STYK1: variants seen among roughly 807,000 people sequenced by gnomAD.
STYK1 encodes the protein tyrosine-protein kinase STYK1.
Under a neutral mutation model 48.1 loss-of-function variants are expected in STYK1, and 46 were observed. The observed-to-expected ratio is 0.96, with a 90% CI of 0.75 to 1.22. The LOEUF is 1.22. STYK1 is among the 50% of genes most tolerant of loss of function. The pLI is 0.00. For missense variants in STYK1, 527 were observed against 521.1 expected, an observed-to-expected ratio of 1.01 and a Z score of -0.11; for synonymous variants, 188 against 189.0, an observed-to-expected ratio of 0.99 and a Z score of 0.04.
intron 1 of STYK1, among the ~76,000 whole-genome samples, chr12:10,650,997 TC>T (rs938952075): frequency 8.6e-6 from 1 of 115,772 alleles, no homozygotes; most frequent in African/African-American, 3.5e-5. Flanking sequence ...AGAGCGAGAC[TC>T]CTTCTCAAAA....
At chr12:10,642,308 T>A (rs1316174687) in intron 1 of STYK1, among the ~76,000 whole-genome samples, 2 of 152,240 alleles carry the variant, frequency 1.3e-5, no homozygotes, top group Non-Finnish European at 2.9e-5. Flanking sequence ...TCCATTTGAA[T>A]CTCATTCCTA....
At chr12:10,668,294 G>A (rs1309571953) in intron 1 of STYK1, among the ~76,000 whole-genome samples, 1 of 151,908 alleles carries the variant, frequency 6.6e-6, no homozygotes, top group African/African-American at 2.4e-5. Flanking sequence ...AGGTCCCCCG[G>A]ACTGAGAGAG....
intron 1 of STYK1, among the ~76,000 whole-genome samples, chr12:10,664,922 A>G (rs1947818431): frequency 6.6e-6 from 1 of 152,232 alleles, no homozygotes. Flanking sequence ...CTATTTTACC[A>G]ACTTCATATT....
In STYK1 at chr12:10,631,262, T is replaced by C. The variant is rs1947425635; in HGVS notation, c.234A>G (p.Gly78=). 1 of 1,614,234 alleles carries C rather than the reference T, an allele frequency of 6.2e-7. No homozygotes were observed. Among genetic ancestry groups the C allele is most frequent in the Non-Finnish European group, 8.5e-7 (1 of 1,180,038 alleles). Residue 78 remains glycine, a synonymous_variant, in exon 5 of 11, where the codon GGA becomes GGG. Transcript: ENST00000075503. ...PPPRDLSWEA[G]HGGNVALPLK... ...GTGGCAAAGCCACATTTCCTCCATG[T>C]CCTGCTTCCCAGCTTAGGTCCCTAG...
At chr12:10,666,982 CAT>C (rs1176570578) in intron 1 of STYK1, among the ~76,000 whole-genome samples, 1 of 152,180 alleles carries the variant, frequency 6.6e-6, no homozygotes, top group Non-Finnish European at 1.5e-5. Flanking sequence ...TAGTTTGAAA[CAT>C]GTTTTTTCCC....
intron 1 of STYK1, among the ~76,000 whole-genome samples, chr12:10,667,743 C>T (rs1191626069): frequency 6.6e-6 from 1 of 152,142 alleles, no homozygotes; most frequent in African/African-American, 2.4e-5. Context: ...TTCAGGGAAG[C>T]ACATAATGCT....
intron 1 of STYK1, among the ~76,000 whole-genome samples, chr12:10,670,387 G>A (rs1947879167): frequency 6.6e-6 from 1 of 152,104 alleles, no homozygotes; most frequent in African/African-American, 2.4e-5. Flanking sequence ...TAAACACAAT[G>A]AACTATTATT....
At chr12:10,630,251 T>G (rs1184318237) in intron 5 of STYK1, among the ~76,000 whole-genome samples, 4 of 151,666 alleles carry the variant, frequency 2.6e-5, no homozygotes, top group Admixed American at 2.6e-4. Context: ...CTGGCCATAG[T>G]GGCACACGGC....
chr12:10,633,861 G>A (rs1947455750), intron 4 of STYK1, 129 bp downstream of exon 4: 1 of 1,142,212 alleles, frequency 8.8e-7, no homozygotes, highest in South Asian at 1.7e-5. Flanking sequence ...CTCCATGGGA[G>A]GGAACCCATG....
intron 7 of STYK1, among the ~76,000 whole-genome samples, chr12:10,625,270 T>G (rs1947343979): frequency 6.6e-6 from 1 of 152,084 alleles, no homozygotes; most frequent in African/African-American, 2.4e-5. Flanking sequence ...CAGGCTGGAG[T>G]GCAGTGGCGG....
At chr12:10,653,643 T>C (rs1055307802) in intron 1 of STYK1, among the ~76,000 whole-genome samples, 1 of 152,340 alleles carries the variant, frequency 6.6e-6, no homozygotes, top group Non-Finnish European at 1.5e-5. Flanking sequence ...GTACAATCTG[T>C]ACATCCTGTA....
intron 1 of STYK1, among the ~76,000 whole-genome samples, chr12:10,670,868 A>G (rs1947883742): frequency 6.7e-6 from 1 of 149,816 alleles, no homozygotes; most frequent in South Asian, 2.1e-4. Flanking sequence ...TTAATTAAAC[A>G]TAAATTTTAA....
chr12:10,666,394 CAT>C (rs1947833889), intron 1 of STYK1, among the ~76,000 whole-genome samples: 1 of 152,170 alleles, frequency 6.6e-6, no homozygotes, highest in Non-Finnish European at 1.5e-5. Context: ...ATGAATATAA[CAT>C]AATACTGTCT....
At chr12:10,625,002 C>T in intron 7 of STYK1, 143 bp from the exon 8 acceptor site, 1 of 676,302 alleles carries the variant, frequency 1.5e-6, no homozygotes. Context: ...TATGTCACTT[C>T]CAAAGCATGC....
chr12:10,621,960 T>C lies in STYK1; in HGVS notation c.980A>G (p.Tyr327Cys). 1.2e-6 allele frequency: 2 copies of C among 1,613,834 alleles called. No individual in the cohort carries two copies. The highest frequency in any genetic ancestry group is 1.7e-6 in the Non-Finnish European group (2 of 1,179,750). Residue 327 changes from tyrosine to cysteine, a missense_variant, in exon 10 of 11, where the codon TAT (tyrosine) becomes TGT (cysteine). Tyr to Cys is a radical substitution (Grantham distance 194, BLOSUM62 -2). Coordinates refer to ENST00000075503, the MANE Select transcript of STYK1 (RefSeq NM_018423.3). ...YEMVTLGAPPYPEVPPTSILE... is the reference protein window; with the variant it reads ...YEMVTLGAPPCPEVPPTSILE... The stretch of plus-strand genomic sequence containing the variant: ...GATGCTGGTAGGAGGGACTTCAGGA[T>C]ACGGTGGTGCTCCTGTCATTACGAA...
intron 1 of STYK1, among the ~76,000 whole-genome samples, chr12:10,647,846 T>C (rs1020795222): frequency 6.6e-6 from 1 of 152,144 alleles, no homozygotes; most frequent in African/African-American, 2.4e-5. Flanking sequence ...CACAAGACAG[T>C]TCTCTCTCTT....
At chr12:10,639,851 A>G (rs1376501979) in intron 1 of STYK1, among the ~76,000 whole-genome samples, 1 of 152,252 alleles carries the variant, frequency 6.6e-6, no homozygotes, top group Non-Finnish European at 1.5e-5. Flanking sequence ...AACAAGGTCA[A>G]GAAGGAATTA....
At chr12:10,640,477 C>T (rs1947531694) in intron 1 of STYK1, among the ~76,000 whole-genome samples, 1 of 152,174 alleles carries the variant, frequency 6.6e-6, no homozygotes, top group Non-Finnish European at 1.5e-5. Flanking sequence ...CTCGTCCTCT[C>T]ACTCTTCTCA....
Position 10,654,717 on chromosome 12 carries a change from T to C in STYK1, c.-194-17521A>G, listed in dbSNP as rs146204402. 5.4e-3 allele frequency among the ~76,000 whole-genome samples: 820 copies of C among 152,326 alleles called. 12 individuals are homozygous for C. The highest frequency in any genetic ancestry group is 0.019 in the African/African-American group (787 of 41,554). On this transcript the variant is annotated intron_variant, in intron 1 of 10. Transcript: ENST00000075503. ...GCCCAATTTAGAAAGGTTAGAGTCC[T>C]TCCTAAGATTTAGGGATTAGAGGCC...
Sources: gnomAD v4.1 joint callset for allele counts (sites outside exome capture counted in the v4.1 genomes callset) on GRCh38, gnomAD v4.1.1 for gene constraint, MANE v1.5 for transcripts, NCBI Gene and HGNC (gene_info 2026-07-23, HGNC 2026-07-21) for gene names.